RYR2: variants seen among roughly 807,000 people sequenced by gnomAD.
RYR2 encodes the protein ryanodine receptor 2.
A neutral mutation model predicts 601.1 loss-of-function variants in RYR2; 227 were observed. The observed-to-expected ratio is 0.38, with a 90% CI of 0.34 to 0.42. The LOEUF (loss-of-function observed/expected upper bound fraction) is 0.42, where lower values mean the gene tolerates loss of function less well. Among genes scored for constraint, RYR2 ranks in the 10% least tolerant of loss-of-function variants. RYR2 has a pLI of 1.00. For missense variants in RYR2, 4,646 were observed against 6,156.5 expected (o/e 0.75, Z 8.21); for synonymous variants, 2,223 against 2,175.1 (o/e 1.02, Z -0.61).
intron 2 of RYR2, among the ~76,000 whole-genome samples, chr1:237,293,968 C>G (rs539081924): frequency 6.6e-6 from 1 of 152,188 alleles, no homozygotes; most frequent in Admixed American, 6.5e-5. Context: ...TTCTGACCCC[C>G]CAGTTGCATT....
Position 237,649,994 on chromosome 1 carries a change from C to G in RYR2, c.7630C>G (p.Leu2544Val). ...TGCTGGCACAGAGCACCACGCTTCT[C>G]TCATTGACTCATTACTTCATACTGT... is the stretch of plus-strand genomic sequence containing the variant. ...LFAGTEHHASLIDSLLHTVYR... is the reference protein window; with the variant it reads ...LFAGTEHHASVIDSLLHTVYR... The change falls in exon 50 of 105, where the codon CTC (leucine) becomes GTC (valine). Residue 2544 changes from leucine to valine, a missense_variant. By Grantham distance (32) the Leu-to-Val change is conservative. Around this residue, in one of 17 missense-constraint regions of RYR2, gnomAD observed 1,497 missense variants for 1,842.6 expected, o/e 0.81. Coordinates refer to ENST00000366574, the MANE Select transcript of RYR2 (RefSeq NM_001035.3). The G allele has an allele frequency of 6.2e-7, 1 of 1,614,012 alleles. No individual in the cohort carries two copies. The highest frequency in any genetic ancestry group is 8.5e-7 in the Non-Finnish European group (1 of 1,179,888).
At chr1:237,370,191 G>A (rs915759120) in intron 6 of RYR2, among the ~76,000 whole-genome samples, 23 of 151,764 alleles carry the variant, frequency 1.5e-4, no homozygotes, top group African/African-American at 5.1e-4. Flanking sequence ...ATACTTTAAT[G>A]TATTCTTAGC....
At chr1:237,345,230 A>G (rs9428665) in intron 3 of RYR2, among the ~76,000 whole-genome samples, 22,405 of 152,118 alleles carry the variant, frequency 0.15, 1,827 homozygotes, top group East Asian at 0.34. Flanking sequence ...AAAATCTACA[A>G]AATAACTTGC....
chr1:237,602,071 C>T lies in RYR2; in HGVS notation c.4643C>T (p.Thr1548Ile). The T allele has an allele frequency of 1.2e-6, 2 of 1,613,080 alleles. No homozygotes were observed. The highest frequency in any genetic ancestry group is 8.5e-7 in the Non-Finnish European group (1 of 1,179,428). The stretch of plus-strand genomic sequence containing the variant: ...TTTCCTGCGGTTTTTGCACAAGCTA[C>T]AAGTCCCAATGTTTTCCAGTTTGAG... ...KLFPAVFAQA[T>I]SPNVFQFELG... Residue 1548 changes from threonine (T) to isoleucine (I), a missense_variant, in exon 35 of 105, where the codon ACA becomes ATA. Thr to Ile is a moderately conservative substitution (Grantham distance 89). Coordinates refer to ENST00000366574, the MANE Select transcript of RYR2 (RefSeq NM_001035.3).
intron 58 of RYR2, among the ~76,000 whole-genome samples, chr1:237,669,101 G>A (rs1418053466): frequency 6.8e-6 from 1 of 146,672 alleles, no homozygotes; most frequent in Non-Finnish European, 1.5e-5. Flanking sequence ...CTGCCTTCAA[G>A]CATCTGTTTA....
intron 1 of RYR2, among the ~76,000 whole-genome samples, chr1:237,267,937 A>G (rs1447150509): frequency 1.3e-5 from 2 of 152,146 alleles, no homozygotes; most frequent in Non-Finnish European, 2.9e-5. Flanking sequence ...TCATCTAGAT[A>G]TGTGTGGGTC....
intron 14 of RYR2, among the ~76,000 whole-genome samples, chr1:237,452,107 A>G (rs72767714): frequency 4.2e-4 from 53 of 127,354 alleles, no homozygotes; most frequent in Middle Eastern, 8.3e-3. Context: ...GTGTGTGTGT[A>G]TGTGTGTGTA....
rs866127660 is a variant in RYR2 at position 237,784,967 on chromosome 1, T to C, written c.13255T>C (p.Phe4419Leu). 6.3e-7 allele frequency: 1 copy of C among 1,575,734 alleles called. No homozygotes were observed. Among genetic ancestry groups the C allele is most frequent in the Admixed American group, 1.8e-5 (1 of 54,088 alleles). ...PVPMPEVQEK[F>L]QEQKAKEEEK... Reference sequence around the variant, plus strand: ...CCCCATGCCTGAGGTGCAGGAAAAATTTCAGGTAATTTATCTCTAAGTCAC... The same window carrying C: ...CCCCATGCCTGAGGTGCAGGAAAAACTTCAGGTAATTTATCTCTAAGTCAC... The change falls in exon 90 of 105, where the codon TTT (phenylalanine) becomes CTT (leucine). Residue 4419 changes from phenylalanine (F) to leucine (L), a missense_variant. By Grantham distance (22) the Phe-to-Leu change is conservative (BLOSUM62 0). Around this residue, in one of 17 missense-constraint regions of RYR2, gnomAD observed 364 missense variants for 442.9 expected, o/e 0.82. Coordinates refer to ENST00000366574, the MANE Select transcript of RYR2 (RefSeq NM_001035.3). The surrounding 1 kb of genome is among the most constrained non-coding windows in gnomAD (Gnocchi z 7.1).
chr1:237,208,936 GTATATATATATATATA>G (rs56133827), intron 1 of RYR2, among the ~76,000 whole-genome samples: 6,113 of 89,830 alleles, frequency 0.068, 291 homozygotes, highest in African/African-American at 0.084. Flanking sequence ...ATGTGTGTGT[GTATATATATATATATA>G]TATATATATA....
chr1:237,684,013 C>T (rs566475206), intron 62 of RYR2, among the ~76,000 whole-genome samples: 3 of 151,996 alleles, frequency 2.0e-5, no homozygotes, highest in African/African-American at 7.3e-5. Flanking sequence ...CTGCAACCTC[C>T]GCCTCCCAGG....
intron 2 of RYR2, among the ~76,000 whole-genome samples, chr1:237,271,532 G>C (rs112449104): frequency 6.6e-6 from 1 of 151,986 alleles, no homozygotes; most frequent in African/African-American, 2.4e-5. Flanking sequence ...TTGCTTTTAG[G>C]AACTATTCAC....
rs2149792694 is a variant in RYR2 at position 237,377,332 on chromosome 1, G to A, written c.473G>A (p.Cys158Tyr). 1.2e-6 allele frequency: 2 copies of A among 1,611,860 alleles called. No individual in the cohort carries two copies. The highest frequency in any genetic ancestry group is 1.7e-6 in the Non-Finnish European group (2 of 1,178,726). The part of the protein sequence containing the change: ...GLQEDTTGEA[C>Y]WWTIHPASKQ... ...ATCCGTATATCTGCAGGGGAGGCTT[G>A]TTGGTGGACCATACACCCTGCCTCT... The change falls in exon 8 of 105, where the codon TGT becomes TAT. Residue 158 changes from cysteine to tyrosine, a missense_variant. Physicochemically the swap from Cys to Tyr is radical, Grantham distance 194. Around this residue, in one of 17 missense-constraint regions of RYR2, gnomAD observed 153 missense variants for 203.6 expected, o/e 0.75. Transcript: ENST00000366574.
At chr1:237,157,295 C>CAAAAAAAAAAAAAAAAAAAA (rs33922740) in intron 1 of RYR2, among the ~76,000 whole-genome samples, 7 of 63,502 alleles carry the variant, frequency 1.1e-4, no homozygotes, top group African/African-American at 2.6e-4. Context: ...GACTCCATCT[C>CAAAAAAAAAAAAAAAAAAAA]AAAAAAAAAA....
Position 237,470,199 on chromosome 1 carries a change from C to G in RYR2, c.1708+1012C>G, listed in dbSNP as rs2150308345. Among the ~76,000 whole-genome samples the G allele has an allele frequency of 1.3e-5, 2 of 152,274 alleles. 1 individual carries two copies. Among genetic ancestry groups the G allele is most frequent in the African/African-American group, 4.8e-5 (2 of 41,570 alleles). On this transcript the variant is annotated intron_variant, in intron 17 of 104. Transcript: ENST00000366574. ...TCATTCATCTTTGTTCTTTCCGGAT[C>G]TACCATACCATCTGGCACCTATAGG...
chr1:237,156,986 A>C (rs1260112654), intron 1 of RYR2, among the ~76,000 whole-genome samples: 1 of 152,170 alleles, frequency 6.6e-6, no homozygotes, highest in African/African-American at 2.4e-5. Flanking sequence ...GAGATGCCTC[A>C]AAAAACCAAA....
At chr1:237,721,992 G>C (rs1223170936) in intron 73 of RYR2, among the ~76,000 whole-genome samples, 2 of 152,170 alleles carry the variant, frequency 1.3e-5, no homozygotes, top group African/African-American at 2.4e-5. Context: ...CTATTGAAAA[G>C]TAAAATGTGT....
intron 62 of RYR2, among the ~76,000 whole-genome samples, chr1:237,684,791 T>G (rs1186833765): frequency 6.8e-6 from 1 of 147,848 alleles, no homozygotes; most frequent in South Asian, 2.1e-4. Flanking sequence ...ATATATATAA[T>G]GCTTGAAGCT....
chr1:237,252,644 C>T (rs528119225), intron 1 of RYR2, among the ~76,000 whole-genome samples: 4 of 152,206 alleles, frequency 2.6e-5, no homozygotes, highest in Admixed American at 6.5e-5. Context: ...AACAAGTATT[C>T]GTAGTCTTTT....
At chr1:237,343,821 G>GTTTTTTTT (rs201175386) in intron 3 of RYR2, among the ~76,000 whole-genome samples, 5 of 131,506 alleles carry the variant, frequency 3.8e-5, no homozygotes, top group Admixed American at 7.7e-5. Flanking sequence ...GAGGTTTTTT[G>GTTTTTTTT]TTTTTTTTTT....
Sources: gnomAD v4.1 joint callset for allele counts (sites outside exome capture counted in the v4.1 genomes callset) on GRCh38, gnomAD v4.1.1 for gene constraint, gnomAD v4.1.1 regional missense constraint, Gnocchi (gnomAD v3.1) non-coding constraint, MANE v1.5 for transcripts, NCBI Gene and HGNC (gene_info 2026-07-23, HGNC 2026-07-21) for gene names.